Variants in CHRM3 observed in about 807,000 individuals in gnomAD.
CHRM3 encodes muscarinic acetylcholine receptor M3.
In CHRM3, 11 loss-of-function variants were observed where a neutral mutation model predicts 41.8. That is an observed-to-expected ratio of 0.26 (90% confidence interval 0.17 to 0.44). The LOEUF (loss-of-function observed/expected upper bound fraction) is 0.44. Ranked by LOEUF, CHRM3 falls within the 20% of genes least tolerant of loss-of-function variation. CHRM3 has a pLI of 1.00. For missense variants in CHRM3, 571 were observed against 745.4 expected (o/e 0.77, Z 2.72); for synonymous variants, 297 against 301.4 (o/e 0.99, Z 0.15).
intron 5 of CHRM3, among the ~76,000 whole-genome samples, chr1:239,797,855 G>A (rs929058497): frequency 3.3e-5 from 5 of 151,990 alleles, no homozygotes; most frequent in South Asian, 2.1e-4. Context: ...AGAGGTCAGC[G>A]TGGCCAACAT....
chr1:239,515,612 A>G (rs1669217211), intron 2 of CHRM3, among the ~76,000 whole-genome samples: 2 of 152,210 alleles, frequency 1.3e-5, no homozygotes, highest in Non-Finnish European at 2.9e-5. Flanking sequence ...ATGGCTTCAA[A>G]TGCATTCCAC....
chr1:239,722,801 A>G (rs928504128), intron 5 of CHRM3, among the ~76,000 whole-genome samples: 1 of 151,928 alleles, frequency 6.6e-6, no homozygotes, highest in Non-Finnish European at 1.5e-5. Flanking sequence ...CATAAACATG[A>G]TTGTACCTTA....
chr1:239,474,130 C>T (rs149050279), intron 1 of CHRM3, among the ~76,000 whole-genome samples: 510 of 151,864 alleles, frequency 3.4e-3, no homozygotes, highest in African/African-American at 0.012. Flanking sequence ...TAAAATCAAC[C>T]ATATAAAGAT....
chr1:239,449,756 G>A (rs1000379871), intron 1 of CHRM3, among the ~76,000 whole-genome samples: 4 of 151,378 alleles, frequency 2.6e-5, no homozygotes, highest in South Asian at 4.2e-4. Flanking sequence ...GTGTGTGTGC[G>A]TGTGTGTGTA....
chr1:239,440,027 G>A (rs1663585286), intron 1 of CHRM3, among the ~76,000 whole-genome samples: 1 of 151,832 alleles, frequency 6.6e-6, no homozygotes, highest in East Asian at 2.0e-4. Context: ...GTGAAACCCT[G>A]TCTCTACTAA....
chr1:239,557,851 A>G (rs1572705073), intron 3 of CHRM3, among the ~76,000 whole-genome samples: 2 of 152,296 alleles, frequency 1.3e-5, no homozygotes. Flanking sequence ...TCCATGGTGC[A>G]TATGTACCAC....
At chr1:239,693,088 G>A (rs1659865679) in intron 5 of CHRM3, among the ~76,000 whole-genome samples, 1 of 152,152 alleles carries the variant, frequency 6.6e-6, no homozygotes, top group Non-Finnish European at 1.5e-5. Flanking sequence ...TGTGCTTCCT[G>A]CATATTTCCT....
intron 2 of CHRM3, among the ~76,000 whole-genome samples, chr1:239,528,399 G>A (rs1670147326): frequency 6.6e-6 from 1 of 152,134 alleles, no homozygotes; most frequent in Non-Finnish European, 1.5e-5. Flanking sequence ...TCCTGCACTG[G>A]CCCCTTGGCT....
At chr1:239,564,494 C>T (rs1449006780) in intron 3 of CHRM3, among the ~76,000 whole-genome samples, 3 of 152,106 alleles carry the variant, frequency 2.0e-5, no homozygotes, top group African/African-American at 7.2e-5. Context: ...TAAATGTAAT[C>T]TCTTTATTAA....
At chr1:239,611,773 G>A (rs1025550383) in intron 3 of CHRM3, among the ~76,000 whole-genome samples, 9 of 151,962 alleles carry the variant, frequency 5.9e-5, no homozygotes, top group Non-Finnish European at 1.0e-4. Context: ...GTCATTTTTC[G>A]CTGAACAATG....
chr1:239,775,759 G>A (rs556643792), intron 5 of CHRM3, among the ~76,000 whole-genome samples: 74 of 152,298 alleles, frequency 4.9e-4, no homozygotes, highest in African/African-American at 1.6e-3. Flanking sequence ...GGGAGAAATC[G>A]AGAGGCGAAA....
rs543096304 is a variant in CHRM3, at chr1:239,904,902, T to A, written c.-19-2531T>A. On this transcript the variant is annotated intron_variant, in intron 6 of 6. Transcript: ENST00000676153. The stretch of plus-strand genomic sequence containing the variant: ...GTGAACATGTGTACATGTATTTATA[T>A]GTGCATATGTGAGTGTATTTATGTC... Among the ~76,000 whole-genome samples the A allele has an allele frequency of 2.0e-5, 3 of 152,344 alleles. No individual in the cohort carries two copies. In the South Asian group the frequency reaches 6.2e-4, roughly 32 times the overall value.
At chr1:239,532,451 C>T (rs1396250840) in intron 2 of CHRM3, among the ~76,000 whole-genome samples, 1 of 150,604 alleles carries the variant, frequency 6.6e-6, no homozygotes, top group Non-Finnish European at 1.5e-5. Flanking sequence ...CGTGGTGAAA[C>T]CCCCTCTCTA....
At chr1:239,549,339 A>G (rs1397859948) in intron 3 of CHRM3, among the ~76,000 whole-genome samples, 1 of 151,922 alleles carries the variant, frequency 6.6e-6, no homozygotes, top group Non-Finnish European at 1.5e-5. Context: ...TAACATCACA[A>G]ATTAAATTAT....
intron 6 of CHRM3, among the ~76,000 whole-genome samples, chr1:239,901,181 G>A (rs1485733071): frequency 2.0e-5 from 3 of 152,172 alleles, no homozygotes; most frequent in African/African-American, 7.2e-5. Context: ...AATATTATCA[G>A]ATGCGACCTC....
chr1:239,734,403 C>T (rs1358187532), intron 5 of CHRM3, among the ~76,000 whole-genome samples: 2 of 152,016 alleles, frequency 1.3e-5, no homozygotes, highest in East Asian at 3.9e-4. Flanking sequence ...TTAATTGAAA[C>T]ATATTAAGTG....
intron 6 of CHRM3, among the ~76,000 whole-genome samples, chr1:239,829,998 C>A (rs1672770033): frequency 6.6e-6 from 1 of 152,164 alleles, no homozygotes. Context: ...TATTTGAAAT[C>A]TCTGCGATTA....
chr1:239,769,734 A>G (rs1558105402), intron 5 of CHRM3, among the ~76,000 whole-genome samples: 1 of 152,150 alleles, frequency 6.6e-6, no homozygotes, highest in Non-Finnish European at 1.5e-5. Flanking sequence ...TACAAAAATT[A>G]GCCAGGCTTG....
In CHRM3 at chr1:239,868,081, G is replaced by A. The variant is rs148694777; in HGVS notation, c.-19-39352G>A. On this transcript the variant is annotated intron_variant, in intron 6 of 6. Transcript: ENST00000676153. Reference sequence around the variant, plus strand: ...ACCCAGCACCAAACACTTAATTATTGCTCCCTCCTTGAATCGCACACACTG... The same window carrying A: ...ACCCAGCACCAAACACTTAATTATTACTCCCTCCTTGAATCGCACACACTG... Among the ~76,000 whole-genome samples the A allele has an allele frequency of 2.4e-4, 36 of 152,268 alleles. No homozygotes were observed. The East Asian group carries it at 2.9e-3, about 12-fold the overall frequency.
Sources: gnomAD v4.1 joint callset for allele counts (sites outside exome capture counted in the v4.1 genomes callset) on GRCh38, gnomAD v4.1.1 for gene constraint, MANE v1.5 for transcripts, NCBI Gene and HGNC (gene_info 2026-07-23, HGNC 2026-07-21) for gene names.